Variants in SH3BGR observed in about 807,000 individuals in gnomAD.
The protein encoded by SH3BGR is SH3 domain binding glutamate rich protein.
SH3BGR carries 29 observed loss-of-function variants against 24.5 expected under a neutral mutation model. The observed-to-expected ratio is 1.18, with a 90% CI of 0.88 to 1.61. The LOEUF (loss-of-function observed/expected upper bound fraction) is 1.61, where lower values mean the gene tolerates loss of function less well. Ranked by LOEUF, SH3BGR falls within the 40% of genes most tolerant of loss-of-function variation. The probability of loss-of-function intolerance (pLI) is 0.00; values close to 1 mark genes in which losing one functional copy is unlikely to be tolerated. For synonymous variants in SH3BGR, 55 were observed against 65.7 expected, an observed-to-expected ratio of 0.84 and a Z score of 0.79; for missense variants, 162 against 205.8, an observed-to-expected ratio of 0.79 and a Z score of 1.30.
chr21:39,496,272 G>A (rs536301641), intron 3 of SH3BGR, among the ~76,000 whole-genome samples: 3 of 151,214 alleles, frequency 2.0e-5, no homozygotes, highest in African/African-American at 7.3e-5. Context: ...AGGCCGAGGC[G>A]GGTGGATCAT....
In SH3BGR at chr21:39,511,587, T is replaced by A; in HGVS notation, c.436-93T>A. 1.5e-6 allele frequency: 2 copies of A among 1,305,552 alleles called. No individual in the cohort carries two copies. Among genetic ancestry groups the A allele is most frequent in the South Asian group, 2.8e-5 (2 of 72,174 alleles). 80.9% of individuals were successfully genotyped at this position (1,305,552 alleles called of 1,614,324 possible). On this transcript the variant is annotated intron_variant, in intron 5 of 6. Coordinates refer to ENST00000333634, the MANE Select transcript of SH3BGR (RefSeq NM_007341.3). The surrounding 1 kb of genome is among the most constrained non-coding windows in gnomAD (Gnocchi z 4.2). ...TGTTGTGTGGTGGGGTGTGGGAGGCTTTGACCTCTAGTCCAGCATTTTACA... is the reference window on the plus strand; with the variant it reads ...TGTTGTGTGGTGGGGTGTGGGAGGCATTGACCTCTAGTCCAGCATTTTACA...
intron 3 of SH3BGR, among the ~76,000 whole-genome samples, chr21:39,493,632 T>A (rs555784832): frequency 1.2e-4 from 18 of 152,284 alleles, no homozygotes; most frequent in Non-Finnish European, 2.5e-4. Context: ...TTTAGGATTG[T>A]TTTTTCTAGT....
chr21:39,457,260 G>A lies in SH3BGR; in HGVS notation c.46-5115G>A, dbSNP rs1004707537. Among the ~76,000 whole-genome samples, 98 of 134,148 alleles carry A rather than the reference G, an allele frequency of 7.3e-4. 1 individual carries two copies. The highest frequency in any genetic ancestry group is 1.2e-3 in the Non-Finnish European group (74 of 63,374). 88.0% of individuals were successfully genotyped at this position (134,148 alleles called of 152,430 possible). A position where few individuals can be genotyped will look rare whatever the true frequency, so the allele number is the denominator to read the frequency against. On this transcript the variant is annotated intron_variant, in intron 1 of 6. Transcript: ENST00000333634. Reference sequence around the variant, plus strand: ...TATAAAAATCTTATTATATTATATTGTTATATATAAAAGTCATATATAAGA... The same window carrying A: ...TATAAAAATCTTATTATATTATATTATTATATATAAAAGTCATATATAAGA...
chr21:39,497,363 CTAAAT>C (rs974187604), intron 3 of SH3BGR, among the ~76,000 whole-genome samples: 9 of 151,260 alleles, frequency 6.0e-5, no homozygotes, highest in Non-Finnish European at 1.2e-4. Flanking sequence ...ACATTATATG[CTAAAT>C]TAAATTCCAG....
chr21:39,447,878 C>G (rs1364290417), upstream of SH3BGR, among the ~76,000 whole-genome samples: 1 of 152,190 alleles, frequency 6.6e-6, no homozygotes, highest in Non-Finnish European at 1.5e-5. Context: ...GATGTCATAA[C>G]AGACTACCAC....
chr21:39,472,955 G>A (rs1281178509), intron 2 of SH3BGR, among the ~76,000 whole-genome samples: 1 of 152,144 alleles, frequency 6.6e-6, no homozygotes, highest in Admixed American at 6.5e-5. Context: ...CAGGATTCAC[G>A]CTCTCACTGG....
chr21:39,499,353 TTATCCATCCATCCATC>T (rs1378800144), intron 3 of SH3BGR, among the ~76,000 whole-genome samples: 5 of 151,874 alleles, frequency 3.3e-5, no homozygotes, highest in East Asian at 1.9e-4. Context: ...TCTCTGAACA[TTATCCATCCATCCATC>T]TATCCATCCA....
At chr21:39,464,337 C>T (rs1188419280) in intron 2 of SH3BGR, among the ~76,000 whole-genome samples, 1 of 152,164 alleles carries the variant, frequency 6.6e-6, no homozygotes, top group Non-Finnish European at 1.5e-5. Context: ...ATTCTCCTGC[C>T]TCAGCCTCTT....
intron 4 of SH3BGR, among the ~76,000 whole-genome samples, chr21:39,506,515 C>T (rs1372758276): frequency 6.6e-5 from 10 of 152,184 alleles, no homozygotes; most frequent in African/African-American, 1.9e-4. Flanking sequence ...ACTCACCGTT[C>T]CACATGGCGG....
At chr21:39,451,847 A>G (rs1443824779), upstream of SH3BGR, 5 of 1,567,632 alleles carry the variant, frequency 3.2e-6, no homozygotes, top group Non-Finnish European at 4.3e-6. Context: ...TTATCGACCA[A>G]TCAAATATTT....
chr21:39,497,123 A>G (rs1277293055), intron 3 of SH3BGR, among the ~76,000 whole-genome samples: 1 of 151,332 alleles, frequency 6.6e-6, no homozygotes, highest in African/African-American at 2.4e-5. Flanking sequence ...ACATGTATTT[A>G]TATGTATATC....
chr21:39,466,766 C>G (rs2077850266), intron 2 of SH3BGR, among the ~76,000 whole-genome samples: 1 of 152,190 alleles, frequency 6.6e-6, no homozygotes, highest in South Asian at 2.1e-4. Flanking sequence ...CTGACTGGGT[C>G]CCTTCTATGA....
At chr21:39,453,553 A>C (rs942419739) in intron 1 of SH3BGR, among the ~76,000 whole-genome samples, 2 of 152,112 alleles carry the variant, frequency 1.3e-5, no homozygotes, top group Admixed American at 1.3e-4. Flanking sequence ...TCAATAAGTT[A>C]ATGGATTTTT....
chr21:39,500,548 A>C (rs112863222), intron 4 of SH3BGR, among the ~76,000 whole-genome samples: 4 of 152,154 alleles, frequency 2.6e-5, no homozygotes, highest in Non-Finnish European at 4.4e-5. Flanking sequence ...GGGATGGGCC[A>C]CTTCTTCAAG....
At chr21:39,461,542 C>T (rs1040342158) in intron 1 of SH3BGR, among the ~76,000 whole-genome samples, 3 of 152,080 alleles carry the variant, frequency 2.0e-5, no homozygotes, top group African/African-American at 2.4e-5. Flanking sequence ...TTATATTTAT[C>T]GCCAGAGAAA....
intron 1 of SH3BGR, among the ~76,000 whole-genome samples, chr21:39,454,481 T>C (rs142798296): frequency 1.1e-3 from 163 of 152,316 alleles, no homozygotes; most frequent in East Asian, 1.9e-3. Context: ...TCTGGACGGA[T>C]TTGGGTTAAG....
At chr21:39,451,398 C>T (rs2077572033), upstream of SH3BGR, among the ~76,000 whole-genome samples, 2 of 152,132 alleles carry the variant, frequency 1.3e-5, no homozygotes. Context: ...CTTTAGATGG[C>T]CCATGGCTGG....
chr21:39,501,247 C>T (rs1446635460), intron 4 of SH3BGR, among the ~76,000 whole-genome samples: 3 of 152,208 alleles, frequency 2.0e-5, no homozygotes, highest in African/African-American at 7.2e-5. Flanking sequence ...ACCCCAGCCC[C>T]TTTCTCCCGT....
chr21:39,486,500 A>G (rs1039998321), intron 3 of SH3BGR, among the ~76,000 whole-genome samples: 5 of 152,182 alleles, frequency 3.3e-5, no homozygotes, highest in African/African-American at 9.7e-5. Context: ...AAGAAACAAG[A>G]TGTAGTAGGT....
Sources: allele counts gnomAD v4.1 joint callset (sites outside exome capture counted in the v4.1 genomes callset), GRCh38; gene constraint gnomAD v4.1.1; non-coding constraint Gnocchi (gnomAD v3.1); transcripts MANE v1.5; gene names NCBI Gene and HGNC (gene_info 2026-07-23, HGNC 2026-07-21).